CSMD3: variants seen among roughly 807,000 people sequenced by gnomAD.
CSMD3 encodes the protein CUB and Sushi multiple domains 3.
In CSMD3, 177 loss-of-function variants were observed where a neutral mutation model predicts 435.2. That is an observed-to-expected ratio of 0.41 (90% CI 0.36 to 0.46). The LOEUF is 0.46. CSMD3 is among the 20% of genes least tolerant of loss of function. The pLI, the probability that CSMD3 is intolerant of heterozygous loss-of-function variation, is 0.34. For missense variants in CSMD3, 4,265 were observed against 4,504.6 expected, an observed-to-expected ratio of 0.95 and a Z score of 1.52; for synonymous variants, 1,656 against 1,520.5, an observed-to-expected ratio of 1.09 and a Z score of -2.07.
At chr8:113,247,183 A>C (rs923178030) in intron 3 of CSMD3, among the ~76,000 whole-genome samples, 1 of 152,208 alleles carries the variant, frequency 6.6e-6, no homozygotes, top group African/African-American at 2.4e-5. Flanking sequence ...TGCCTCAGGC[A>C]GCCACTATGT....
chr8:112,950,515 TA>T (rs772441307), intron 8 of CSMD3, among the ~76,000 whole-genome samples: 1 of 152,060 alleles, frequency 6.6e-6, no homozygotes, highest in African/African-American at 2.4e-5. Context: ...TGTGTTAAAC[TA>T]AAATTTTGTT....
chr8:112,794,052 A>C (rs1160612171), intron 13 of CSMD3, among the ~76,000 whole-genome samples: 2 of 152,068 alleles, frequency 1.3e-5, no homozygotes, highest in Admixed American at 6.6e-5. Flanking sequence ...CAATTGAAAG[A>C]CCAAGTTCCT....
At chr8:112,465,705 C>A (rs1190320639) in intron 32 of CSMD3, among the ~76,000 whole-genome samples, 1 of 151,984 alleles carries the variant, frequency 6.6e-6, no homozygotes, top group Non-Finnish European at 1.5e-5. Context: ...CTGGGTGTGG[C>A]GGTTCACACA....
chr8:113,041,601 C>T (rs746574430), intron 5 of CSMD3, among the ~76,000 whole-genome samples: 8 of 152,038 alleles, frequency 5.3e-5, no homozygotes, highest in Non-Finnish European at 1.2e-4. Context: ...TGAAGTATAT[C>T]ATTTTTATTA....
At chr8:112,233,989 T>C (rs1038172111) in intron 68 of CSMD3, among the ~76,000 whole-genome samples, 4 of 152,164 alleles carry the variant, frequency 2.6e-5, no homozygotes, top group African/African-American at 9.7e-5. Context: ...GTTCCAAAGA[T>C]TGAATTATAT....
chr8:112,932,819 A>G (rs1184098260), intron 9 of CSMD3, among the ~76,000 whole-genome samples: 1 of 152,140 alleles, frequency 6.6e-6, no homozygotes, highest in Non-Finnish European at 1.5e-5. Context: ...GCATTTCAAA[A>G]TAGCTATAAA....
At chr8:113,074,654 C>T (rs1360611434) in intron 5 of CSMD3, among the ~76,000 whole-genome samples, 2 of 151,784 alleles carry the variant, frequency 1.3e-5, no homozygotes, top group Admixed American at 6.6e-5. Flanking sequence ...TGTTTACTAC[C>T]TTTGTGACAC....
intron 1 of CSMD3, among the ~76,000 whole-genome samples, chr8:113,345,712 T>C (rs555204767): frequency 1.3e-5 from 2 of 152,270 alleles, no homozygotes; most frequent in African/African-American, 4.8e-5. Context: ...ATTTTACATG[T>C]AATAATTCAT....
chr8:113,412,233 A>G (rs751817134), intron 1 of CSMD3, among the ~76,000 whole-genome samples: 2 of 152,094 alleles, frequency 1.3e-5, no homozygotes, highest in Non-Finnish European at 2.9e-5. Context: ...AGTCATATCA[A>G]TCATATGCAA....
intron 3 of CSMD3, among the ~76,000 whole-genome samples, chr8:113,239,134 A>C (rs982184308): frequency 3.3e-5 from 5 of 152,058 alleles, no homozygotes; most frequent in Non-Finnish European, 7.4e-5. Context: ...CTTTGGACTC[A>C]AACTGAAACA....
At chr8:112,335,088 T>C (rs1191182929) in intron 45 of CSMD3, among the ~76,000 whole-genome samples, 2 of 152,180 alleles carry the variant, frequency 1.3e-5, no homozygotes, top group Non-Finnish European at 2.9e-5. Context: ...TATTTTCCAG[T>C]GGGTAATTAC....
At chr8:112,718,187 A>G (rs2076775813) in intron 13 of CSMD3, among the ~76,000 whole-genome samples, 1 of 152,036 alleles carries the variant, frequency 6.6e-6, no homozygotes, top group Admixed American at 6.6e-5. Flanking sequence ...TAGGTTTTTC[A>G]TTTCCTCTAG....
rs749530136 is a variant in CSMD3 at position 112,314,607 on chromosome 8, A to T, written c.7371T>A (p.Pro2457=). The T allele has an allele frequency of 6.2e-7, 1 of 1,611,546 alleles. No individual in the cohort carries two copies. The highest frequency in any genetic ancestry group is 8.5e-7 in the Non-Finnish European group (1 of 1,177,926). ...GAPPVCQVLC[P]ANELRLDSTG... is the part of the protein sequence containing the mutation. Reference sequence around the variant, plus strand: ...TAGAATCTAGCCGTAATTCATTGGCAGGACAGAGCACTGTCAAAGAAAAAT... The same window carrying T: ...TAGAATCTAGCCGTAATTCATTGGCTGGACAGAGCACTGTCAAAGAAAAAT... Residue 2457 remains proline (P), a synonymous_variant, in exon 48 of 71, where the codon CCT becomes CCA. Transcript: ENST00000297405.
rs1328729233 is a variant in CSMD3 at position 113,254,763 on chromosome 8, TTGGAAATTC to T, written c.514+23820_514+23828del. Among the ~76,000 whole-genome samples, 8 of 152,308 alleles carry T rather than the reference TTGGAAATTC, an allele frequency of 5.3e-5. No homozygotes were observed. The South Asian group carries it at 1.7e-3, about 32-fold the overall frequency. ...ATGAAGTATATAAAAATAAAAATTG[TTGGAAATTC>T]TGGAAATTCTGTTTTATCTGAAACT... is the stretch of plus-strand genomic sequence containing the variant. On this transcript the variant is annotated intron_variant, in intron 3 of 70. Coordinates refer to ENST00000297405, the MANE Select transcript of CSMD3 (RefSeq NM_198123.2).
intron 1 of CSMD3, among the ~76,000 whole-genome samples, chr8:113,372,765 C>G (rs2094354247): frequency 6.6e-6 from 1 of 151,928 alleles, no homozygotes; most frequent in Non-Finnish European, 1.5e-5. Flanking sequence ...AACCCCGTCT[C>G]TAACTAAAAA....
intron 1 of CSMD3, among the ~76,000 whole-genome samples, chr8:113,374,747 C>T (rs2094367871): frequency 6.8e-6 from 1 of 147,356 alleles, no homozygotes. Context: ...TTATCTAACT[C>T]TCCTTTTGAT....
At chr8:112,603,039 G>T (rs1214263010) in intron 22 of CSMD3, among the ~76,000 whole-genome samples, 2 of 152,128 alleles carry the variant, frequency 1.3e-5, no homozygotes, top group South Asian at 4.1e-4. Context: ...CACCATGGCA[G>T]GCTAATTTTT....
intron 1 of CSMD3, among the ~76,000 whole-genome samples, chr8:113,342,558 C>A (rs1177509482): frequency 1.3e-5 from 2 of 152,032 alleles, no homozygotes; most frequent in African/African-American, 4.8e-5. Flanking sequence ...ACACTAGGAA[C>A]CTTGCAAGTA....
intron 32 of CSMD3, among the ~76,000 whole-genome samples, chr8:112,455,591 GTAAATAAATAAATAAATAAATAAATAAA>G (rs71309770): frequency 6.7e-6 from 1 of 149,510 alleles, no homozygotes; most frequent in South Asian, 2.1e-4. Context: ...AAATAAGTAA[GTAAATAAATAAATAAATAAATAAATAAA>G]TAAATAAATA....
Sources: gnomAD v4.1 joint callset for allele counts (sites outside exome capture counted in the v4.1 genomes callset) on GRCh38, gnomAD v4.1.1 for gene constraint, MANE v1.5 for transcripts, NCBI Gene and HGNC (gene_info 2026-07-23, HGNC 2026-07-21) for gene names.